Variants in EYS observed in about 807,000 individuals in gnomAD.
EYS encodes EGF-like photoreceptor maintenance factor.
In EYS, 250 loss-of-function variants were observed where a neutral mutation model predicts 282.1. That is an observed-to-expected ratio of 0.89 (90% confidence interval 0.80 to 0.98). The LOEUF is 0.98. Ranked by LOEUF, EYS falls within the 50% of genes least tolerant of loss-of-function variation. The pLI, the probability that EYS is intolerant of heterozygous loss-of-function variation, is 0.00. For missense variants in EYS, 4,016 were observed against 3,709.0 expected (o/e 1.08, Z -2.15); for synonymous variants, 1,355 against 1,282.9 (o/e 1.06, Z -1.20).
At chr6:64,669,333 A>G (rs979426596) in intron 22 of EYS, among the ~76,000 whole-genome samples, 1 of 152,152 alleles carries the variant, frequency 6.6e-6, no homozygotes, top group Non-Finnish European at 1.5e-5. Context: ...CTTTATCTAA[A>G]AAAACTGATA....
Position 64,314,194 on chromosome 6 carries a change from C to CAAAAAAAAAAAAAAAAAAAA in EYS, c.6079-7132_6079-7113dup, listed in dbSNP as rs138447983. Among the ~76,000 whole-genome samples the CAAAAAAAAAAAAAAAAAAAA allele has an allele frequency of 2.5e-4, 7 of 27,676 alleles. 1 individual carries two copies. Among genetic ancestry groups the CAAAAAAAAAAAAAAAAAAAA allele is most frequent in the Non-Finnish European group, 3.6e-4 (6 of 16,720 alleles). The allele number at this position is 27,676 out of a possible 152,430, so 18.2% of individuals were successfully genotyped here. ...GAAGATTTACTAAACAAATGGAAAG[C>CAAAAAAAAAAAAAAAAAAAA]AAAAAAAAAAAAAAAAAAAAAAAAG... is the stretch of plus-strand genomic sequence containing the variant. On this transcript the variant is annotated intron_variant, in intron 29 of 42. Transcript: ENST00000503581.
rs112287744 is a variant in EYS, at chr6:64,892,869, C to T, written c.2847-6027G>A. Among the ~76,000 whole-genome samples the T allele has an allele frequency of 7.9e-3, 1,200 of 152,122 alleles. 14 individuals carry two copies. The highest frequency in any genetic ancestry group is 0.027 in the African/African-American group (1,119 of 41,550). ...CAGATTTTTGTCTTTTGGTTAAATG[C>T]ATATTAACCAATCACTTTTAAATTT... On this transcript the variant is annotated intron_variant, in intron 18 of 42. Coordinates refer to ENST00000503581, the MANE Select transcript of EYS (RefSeq NM_001142800.2).
At chr6:64,763,739 C>T (rs1562178164) in intron 22 of EYS, among the ~76,000 whole-genome samples, 3 of 152,238 alleles carry the variant, frequency 2.0e-5, no homozygotes, top group Middle Eastern at 6.8e-3. Flanking sequence ...ACCTATGAGC[C>T]TATAAAATAA....
chr6:64,426,708 A>C (rs910908003), intron 28 of EYS, among the ~76,000 whole-genome samples: 2 of 152,124 alleles, frequency 1.3e-5, no homozygotes, highest in Non-Finnish European at 2.9e-5. Flanking sequence ...AAGTCCTCCC[A>C]GTAGCAAGAG....
chr6:64,660,109 C>G (rs1378842118), intron 22 of EYS, among the ~76,000 whole-genome samples: 5 of 151,676 alleles, frequency 3.3e-5, no homozygotes, highest in African/African-American at 1.2e-4. Flanking sequence ...CATAATCCAG[C>G]ATATAAACAG....
intron 14 of EYS, among the ~76,000 whole-genome samples, chr6:64,991,425 A>G (rs535351995): frequency 6.6e-6 from 1 of 151,738 alleles, no homozygotes; most frequent in African/African-American, 2.4e-5. Context: ...ATAACTACTG[A>G]TGATGTTGCA....
At chr6:65,011,617 G>T (rs996278412) in intron 13 of EYS, among the ~76,000 whole-genome samples, 3 of 152,160 alleles carry the variant, frequency 2.0e-5, no homozygotes, top group East Asian at 1.9e-4. Flanking sequence ...AACAGCTCTT[G>T]GGATTTCCTG....
At chr6:65,671,900 T>C (rs1490120) in intron 1 of EYS, among the ~76,000 whole-genome samples, 53,709 of 152,050 alleles carry the variant, frequency 0.35, 11,981 homozygotes, top group Non-Finnish European at 0.49. Context: ...TCTTCCCTAT[T>C]TGAATCTAAG....
At chr6:64,018,181 G>A (rs1282294994) in intron 33 of EYS, among the ~76,000 whole-genome samples, 1 of 152,030 alleles carries the variant, frequency 6.6e-6, no homozygotes, top group African/African-American at 2.4e-5. Flanking sequence ...CTGAATTCAG[G>A]AGTCAAGATA....
chr6:64,754,250 G>T (rs1487549888), intron 22 of EYS, among the ~76,000 whole-genome samples: 4 of 151,974 alleles, frequency 2.6e-5, no homozygotes, highest in East Asian at 1.9e-4. Context: ...TAAAGAAAAT[G>T]AATAATTTCC....
chr6:63,903,501 C>T (rs963647612), intron 35 of EYS, among the ~76,000 whole-genome samples: 2 of 152,084 alleles, frequency 1.3e-5, no homozygotes, highest in African/African-American at 4.8e-5. Context: ...GTTTATCTAT[C>T]TAATAATCTT....
In EYS at chr6:64,945,917, A is replaced by C. The variant is rs2150096134; in HGVS notation, c.2260-3T>G. 3.9e-6 allele frequency: 6 copies of C among 1,541,036 alleles called. No individual in the cohort carries two copies. Among genetic ancestry groups the C allele is most frequent in the Non-Finnish European group, 5.3e-6 (6 of 1,139,800 alleles). Reference sequence around the variant, plus strand: ...GATAGGCACACACACTGGTAGCTCTAAGAGAATATGAAATTATATATTTTT... The same window carrying C: ...GATAGGCACACACACTGGTAGCTCTCAGAGAATATGAAATTATATATTTTT... On this transcript the variant is annotated splice_polypyrimidine_tract_variant and splice_region_variant and intron_variant, in intron 14 of 42. Transcript: ENST00000503581.
At chr6:63,939,512 G>A (rs1169343771) in intron 35 of EYS, among the ~76,000 whole-genome samples, 2 of 152,082 alleles carry the variant, frequency 1.3e-5, no homozygotes, top group Admixed American at 6.5e-5. Flanking sequence ...ATTTTAATGA[G>A]AAATATTTTT....
chr6:65,304,241 GA>G, intron 11 of EYS: 1 of 575,104 alleles, frequency 1.7e-6, no homozygotes, highest in Non-Finnish European at 3.1e-6. Context: ...GCAGGAGAGG[GA>G]AAAATCAGTC....
At chr6:64,094,274 CAAGTT>C (rs1772493715) in intron 31 of EYS, among the ~76,000 whole-genome samples, 2 of 151,686 alleles carry the variant, frequency 1.3e-5, no homozygotes, top group Non-Finnish European at 2.9e-5. Flanking sequence ...CCTTATAAAA[CAAGTT>C]AAGGAGGATT....
intron 24 of EYS, among the ~76,000 whole-genome samples, chr6:64,605,185 C>T (rs1365300084): frequency 1.3e-5 from 2 of 150,498 alleles, no homozygotes; most frequent in South Asian, 2.1e-4. Flanking sequence ...GGGATTTTCT[C>T]GACTTTTCAC....
chr6:65,175,861 AG>A (rs1473239701), intron 12 of EYS, among the ~76,000 whole-genome samples: 3 of 151,550 alleles, frequency 2.0e-5, no homozygotes, highest in Admixed American at 6.6e-5. Flanking sequence ...TTTACACACA[AG>A]GCATAGGTAT....
intron 12 of EYS, among the ~76,000 whole-genome samples, chr6:65,232,716 A>G (rs1159545216): frequency 3.3e-5 from 5 of 152,104 alleles, no homozygotes; most frequent in Non-Finnish European, 7.4e-5. Flanking sequence ...TCATTCCCAT[A>G]TAGAATACAT....
Position 64,590,079 on chromosome 6 carries a change from C to T in EYS, c.5644+144G>A, listed in dbSNP as rs1293824454. 4.6e-6 allele frequency: 3 copies of T among 652,492 alleles called. No individual in the cohort carries two copies. The Admixed American group carries it at 9.0e-5, about 20-fold the overall frequency. The allele number at this position is 652,492 out of a possible 1,614,324, so 40.4% of individuals were successfully genotyped here. On this transcript the variant is annotated intron_variant, in intron 26 of 42. Transcript: ENST00000503581. Reference sequence around the variant, plus strand: ...TAACCATCTGTGTCAGGTACAACAGCAGGTGCCTTCTCAATTGAACTGGCT... The same window carrying T: ...TAACCATCTGTGTCAGGTACAACAGTAGGTGCCTTCTCAATTGAACTGGCT...
Sources: gnomAD v4.1 joint callset for allele counts (sites outside exome capture counted in the v4.1 genomes callset) on GRCh38, gnomAD v4.1.1 for gene constraint, MANE v1.5 for transcripts, NCBI Gene and HGNC (gene_info 2026-07-23, HGNC 2026-07-21) for gene names.